The following ADAMTSL3 variants were observed in gnomAD, a reference collection of about 807,000 sequenced individuals.
The protein encoded by ADAMTSL3 is ADAMTS-like protein 3.
In ADAMTSL3, 128 loss-of-function variants were observed where a neutral mutation model predicts 201.7. The observed-to-expected ratio is 0.63, with a 90% confidence interval of 0.55 to 0.73. The LOEUF (loss-of-function observed/expected upper bound fraction) is 0.73. Among genes scored for constraint, ADAMTSL3 ranks in the 30% least tolerant of loss-of-function variants. The pLI is 0.00. For synonymous variants in ADAMTSL3, 738 were observed against 748.4 expected (o/e 0.99, Z 0.23); for missense variants, 1,990 against 2,119.6 (o/e 0.94, Z 1.20).
At chr15:83,945,941 G>C (rs1180939530) in intron 19 of ADAMTSL3, 1 of 152,216 alleles carries the variant, frequency 6.6e-6, no homozygotes, top group Non-Finnish European at 1.5e-5. Flanking sequence ...ATGTGTCCAA[G>C]GTAGGAATGG....
rs761164415 is a variant in ADAMTSL3, at chr15:83,819,793, T to C, written c.364-18T>C. 6.2e-7 allele frequency: 1 copy of C among 1,600,646 alleles called. No homozygotes were observed. The highest frequency in any genetic ancestry group is 8.6e-7 in the Non-Finnish European group (1 of 1,168,994). ...CTCACTGGGTGATGTGCATGTGGCC[T>C]TTTCCCTCTGCCCCCAGGACTGCCC... is the stretch of plus-strand genomic sequence containing the variant. On this transcript the variant is annotated intron_variant, in intron 5 of 29. Transcript: ENST00000286744.
chr15:83,999,995 T>C (rs1285414386), intron 23 of ADAMTSL3, among the ~76,000 whole-genome samples: 2 of 152,120 alleles, frequency 1.3e-5, no homozygotes, highest in African/African-American at 4.8e-5. Context: ...CTAGTTTATA[T>C]TATATAGGGT....
Position 83,913,511 on chromosome 15 carries a change from A to G in ADAMTSL3, c.1987+133A>G. 6 of 948,142 alleles carry G rather than the reference A, an allele frequency of 6.3e-6. No homozygotes were observed. The South Asian group carries it at 1.1e-4, about 17-fold the overall frequency. 58.7% of individuals were successfully genotyped at this position (948,142 alleles called of 1,614,324 possible). A position where few individuals can be genotyped will look rare whatever the true frequency, so the allele number is the denominator to read the frequency against. ...GGTGAAGTCATTCAAATAACTGAAA[A>G]TGATACTTTTTCTTCTTTTTCTTTC... On this transcript the variant is annotated intron_variant, in intron 16 of 29. Transcript: ENST00000286744.
chr15:83,935,651 C>A (rs188877758), intron 17 of ADAMTSL3, among the ~76,000 whole-genome samples: 2 of 151,806 alleles, frequency 1.3e-5, no homozygotes, highest in Admixed American at 6.6e-5. Flanking sequence ...AGGAAAGGAA[C>A]AATAACAAAA....
Position 84,036,814 on chromosome 15 carries a change from T to C in ADAMTSL3, c.4796T>C (p.Val1599Ala). 1.2e-6 allele frequency: 2 copies of C among 1,614,100 alleles called. No homozygotes were observed. Among genetic ancestry groups the C allele is most frequent in the Non-Finnish European group, 1.7e-6 (2 of 1,180,004 alleles). ...AACTGCACATCAGGGGCCTGTGATGTGTGTTGGCACACAGGCCCTTGGAAG... is the reference window on the plus strand; with the variant it reads ...AACTGCACATCAGGGGCCTGTGATGCGTGTTGGCACACAGGCCCTTGGAAG... ...RRNCTSGACD[V>A]CWHTGPWKPC... The change falls in exon 29 of 30, where the codon GTG becomes GCG. Residue 1599 changes from valine to alanine, a missense_variant. Coordinates refer to ENST00000286744, the MANE Select transcript of ADAMTSL3 (RefSeq NM_207517.3).
chr15:83,706,831 T>C (rs2141514675), intron 3 of ADAMTSL3, among the ~76,000 whole-genome samples: 1 of 145,582 alleles, frequency 6.9e-6, no homozygotes, highest in East Asian at 2.1e-4. Flanking sequence ...CCCTGGATAA[T>C]TTTTTTTGTC....
chr15:84,036,988 G>A lies in ADAMTSL3; in HGVS notation c.4969+1G>A. 1 of 1,613,736 alleles carries A rather than the reference G, an allele frequency of 6.2e-7. No individual in the cohort carries two copies. Among genetic ancestry groups the A allele is most frequent in the South Asian group, 1.1e-5 (1 of 91,004 alleles). ...CACTGTCTTGGGCCCTCCTGTGATA[G>A]TACGTACACCTCCCAGGTATCTCCA... On this transcript the variant is annotated splice_donor_variant, in intron 29 of 29. Coordinates refer to ENST00000286744, the MANE Select transcript of ADAMTSL3 (RefSeq NM_207517.3). LOFTEE classifies it high-confidence loss of function.
In ADAMTSL3 at chr15:84,012,086, C is replaced by G. The variant is rs544180103; in HGVS notation, c.3974-2456C>G. Among the ~76,000 whole-genome samples, 16 of 151,840 alleles carry G rather than the reference C, an allele frequency of 1.1e-4. No individual in the cohort carries two copies. In the South Asian group the frequency reaches 2.1e-3, roughly 20 times the overall value. ...CATTCCTTCAGCTATTTAGGGCTAG[C>G]CTAGTTTTTATAACAATATTTAAAA... On this transcript the variant is annotated intron_variant, in intron 23 of 29. Transcript: ENST00000286744.
At chr15:84,008,673 G>A (rs552478256) in intron 23 of ADAMTSL3, among the ~76,000 whole-genome samples, 12 of 152,148 alleles carry the variant, frequency 7.9e-5, no homozygotes, top group African/African-American at 2.9e-4. Context: ...TCTGTATGCT[G>A]GAAACTGTTA....
chr15:83,801,651 A>AATATAAATATAAATAT (rs1555445598), intron 4 of ADAMTSL3, among the ~76,000 whole-genome samples: 2 of 31,268 alleles, frequency 6.4e-5, no homozygotes, highest in African/African-American at 1.9e-4. Flanking sequence ...TATAAATATA[A>AATATAAATATAAATAT]ATATATATAT....
chr15:83,713,756 G>C (rs2061963597), intron 3 of ADAMTSL3, among the ~76,000 whole-genome samples: 1 of 152,184 alleles, frequency 6.6e-6, no homozygotes, highest in African/African-American at 2.4e-5. Context: ...CCTATCACAA[G>C]GGATTTGAGG....
At chr15:83,853,544 C>G in intron 7 of ADAMTSL3, among the ~76,000 whole-genome samples, 1 of 152,076 alleles carries the variant, frequency 6.6e-6, no homozygotes, top group East Asian at 1.9e-4. Flanking sequence ...TTACTAAATG[C>G]TGGAAACTTA....
At chr15:83,868,706 T>C (rs1292994737) in intron 8 of ADAMTSL3, among the ~76,000 whole-genome samples, 2 of 152,228 alleles carry the variant, frequency 1.3e-5, no homozygotes, top group African/African-American at 2.4e-5. Context: ...ATTAAAAATA[T>C]TTTACAATAA....
intron 19 of ADAMTSL3, among the ~76,000 whole-genome samples, chr15:83,952,634 A>G (rs1410242738): frequency 6.6e-6 from 1 of 152,038 alleles, no homozygotes; most frequent in African/African-American, 2.4e-5. Flanking sequence ...TGTTTAGTGC[A>G]TATATGTTTA....
chr15:83,681,430 A>G (rs112044425), intron 2 of ADAMTSL3, among the ~76,000 whole-genome samples: 2,306 of 152,344 alleles, frequency 0.015, 70 homozygotes, highest in African/African-American at 0.052. Context: ...TGGACCCAGG[A>G]GGAGAACTGA....
intron 3 of ADAMTSL3, among the ~76,000 whole-genome samples, chr15:83,756,597 C>T (rs2062723167): frequency 8.2e-6 from 1 of 121,438 alleles, no homozygotes; most frequent in Non-Finnish European, 2.0e-5. Flanking sequence ...CATTTCACCC[C>T]TGCCCCCCCC....
chr15:83,709,289 G>C (rs2061899491), intron 3 of ADAMTSL3, among the ~76,000 whole-genome samples: 1 of 152,134 alleles, frequency 6.6e-6, no homozygotes, highest in Non-Finnish European at 1.5e-5. Context: ...ACTTTCTATT[G>C]GATGGGCACA....
intron 3 of ADAMTSL3, among the ~76,000 whole-genome samples, chr15:83,735,681 G>C (rs1431931951): frequency 6.8e-6 from 1 of 147,728 alleles, no homozygotes; most frequent in Non-Finnish European, 1.5e-5. Context: ...TTTTTGTTTT[G>C]CTTTTTGTTT....
At chr15:83,718,759 G>A (rs1019365626) in intron 3 of ADAMTSL3, among the ~76,000 whole-genome samples, 2 of 151,428 alleles carry the variant, frequency 1.3e-5, no homozygotes, top group Non-Finnish European at 2.9e-5. Context: ...AAGGACTTAA[G>A]CATGTCAACT....
Sources: allele counts gnomAD v4.1 joint callset (sites outside exome capture counted in the v4.1 genomes callset), GRCh38; gene constraint gnomAD v4.1.1; transcripts MANE v1.5; gene names NCBI Gene and HGNC (gene_info 2026-07-23, HGNC 2026-07-21).